Variants in IL1RAPL1 observed in about 807,000 individuals in gnomAD.
IL1RAPL1 encodes interleukin-1 receptor accessory protein-like 1.
IL1RAPL1 carries 3 observed loss-of-function variants against 48.4 expected under a neutral mutation model. That is an observed-to-expected ratio of 0.06 (90% CI 0.03 to 0.16). The LOEUF (loss-of-function observed/expected upper bound fraction) is 0.16, where lower values mean the gene tolerates loss of function less well. Ranked by LOEUF, IL1RAPL1 falls within the 10% of genes least tolerant of loss-of-function variation. The pLI, the probability that IL1RAPL1 is intolerant of heterozygous loss-of-function variation, is 1.00. For synonymous variants in IL1RAPL1, 185 were observed against 187.7 expected (o/e 0.99, Z 0.12); for missense variants, 349 against 530.6 (o/e 0.66, Z 3.36).
intron 6 of IL1RAPL1, among the ~76,000 whole-genome samples, chrX:29,700,178 TAA>T (rs2147115173): frequency 8.9e-6 from 1 of 112,096 alleles, no homozygotes; most frequent in African/African-American, 3.2e-5. Context: ...AAATTTTTAA[TAA>T]GTTTGAGGCA....
intron 5 of IL1RAPL1, among the ~76,000 whole-genome samples, chrX:29,555,344 C>G (rs190042089): frequency 1.8e-5 from 2 of 112,607 alleles, no homozygotes; most frequent in African/African-American, 6.4e-5. Context: ...TTTTAAAATA[C>G]TTACAGACAG....
intron 2 of IL1RAPL1, among the ~76,000 whole-genome samples, chrX:29,021,617 A>C (rs1053596326): frequency 8.9e-6 from 1 of 112,226 alleles, no homozygotes; most frequent in Non-Finnish European, 1.9e-5. Context: ...ATAGAAAGAT[A>C]AATCTTCTCC....
intron 1 of IL1RAPL1, among the ~76,000 whole-genome samples, chrX:28,748,628 T>A (rs1159497073): frequency 8.9e-6 from 1 of 112,126 alleles, no homozygotes; most frequent in Non-Finnish European, 1.9e-5. Context: ...CAAATGTATT[T>A]TTCCCTTGAA....
At chrX:29,622,375 C>T (rs1924488340) in intron 5 of IL1RAPL1, among the ~76,000 whole-genome samples, 1 of 112,155 alleles carries the variant, frequency 8.9e-6, no homozygotes. Context: ...GCTCTCATTC[C>T]AAATTACTGG....
intron 2 of IL1RAPL1, among the ~76,000 whole-genome samples, chrX:29,282,511 T>C (rs1218145363): frequency 8.9e-6 from 1 of 111,749 alleles, no homozygotes; most frequent in Non-Finnish European, 1.9e-5. Context: ...AGTGAGCACA[T>C]TGAAAATAGG....
intron 6 of IL1RAPL1, among the ~76,000 whole-genome samples, chrX:29,678,836 G>A (rs1429389940): frequency 9.0e-6 from 1 of 110,802 alleles, no homozygotes; most frequent in African/African-American, 3.3e-5. Flanking sequence ...TGGCTTCATG[G>A]TCTTGTGAGA....
At chrX:28,882,433 A>G (rs1049012734) in intron 2 of IL1RAPL1, among the ~76,000 whole-genome samples, 1 of 112,134 alleles carries the variant, frequency 8.9e-6, no homozygotes, top group East Asian at 2.8e-4. Flanking sequence ...ACTTGAGGTC[A>G]GGAGTTTGAG....
At chrX:28,832,531 A>T (rs748084412) in intron 2 of IL1RAPL1, among the ~76,000 whole-genome samples, 1 of 111,497 alleles carries the variant, frequency 9.0e-6, no homozygotes, top group Admixed American at 9.6e-5. Flanking sequence ...AAAATAAACC[A>T]GAAGTAGAAG....
rs1433358366 is a variant in IL1RAPL1, at chrX:28,709,589, G to A, written c.-24-79731G>A. 2.7e-5 allele frequency among the ~76,000 whole-genome samples: 3 copies of A among 111,131 alleles called. No homozygotes were observed. In the Admixed American group the frequency reaches 2.9e-4, roughly 11 times the overall value. On this transcript the variant is annotated intron_variant, in intron 1 of 10. Transcript: ENST00000378993. ...TAGATGAATGAAAAGAGAATGGGGTGGGGTCGTGGGAGTGTGTGGATCTGG... is the reference window on the plus strand; with the variant it reads ...TAGATGAATGAAAAGAGAATGGGGTAGGGTCGTGGGAGTGTGTGGATCTGG...
chrX:29,514,062 C>T (rs985826706), intron 5 of IL1RAPL1, among the ~76,000 whole-genome samples: 21 of 111,002 alleles, frequency 1.9e-4, no homozygotes, highest in African/African-American at 5.9e-4. Context: ...TGCAGGGTTA[C>T]GTTGGTTCAT....
intron 2 of IL1RAPL1, among the ~76,000 whole-genome samples, chrX:29,268,163 AT>A (rs1282668690): frequency 9.0e-6 from 1 of 111,640 alleles, no homozygotes; most frequent in Non-Finnish European, 1.9e-5. Flanking sequence ...TGAGTGAATG[AT>A]ATTTTTCCGG....
chrX:28,834,137 C>T (rs757006316), intron 2 of IL1RAPL1, among the ~76,000 whole-genome samples: 3 of 111,407 alleles, frequency 2.7e-5, no homozygotes, highest in Non-Finnish European at 5.7e-5. Flanking sequence ...CACATCTTTA[C>T]TTCATGCTCC....
intron 5 of IL1RAPL1, among the ~76,000 whole-genome samples, chrX:29,442,861 C>CAA (rs34552845): frequency 0.011 from 1,092 of 100,823 alleles, 7 homozygotes; most frequent in Non-Finnish European, 0.016. Context: ...CTAACTATCT[C>CAA]AAAAAAAAAG....
At chrX:28,637,041 T>C (rs965585118) in intron 1 of IL1RAPL1, among the ~76,000 whole-genome samples, 2 of 111,457 alleles carry the variant, frequency 1.8e-5, no homozygotes, top group Admixed American at 1.9e-4. Context: ...TCTTAGAGCA[T>C]CTTATTAGAA....
At chrX:28,792,056 C>T (rs915484222) in intron 2 of IL1RAPL1, among the ~76,000 whole-genome samples, 20 of 111,726 alleles carry the variant, frequency 1.8e-4, no homozygotes, top group African/African-American at 5.2e-4. Context: ...TTTGATTTTA[C>T]GTATTAACCA....
chrX:28,769,366 G>T (rs1320805269), intron 1 of IL1RAPL1, among the ~76,000 whole-genome samples: 1 of 110,821 alleles, frequency 9.0e-6, no homozygotes, highest in African/African-American at 3.3e-5. Context: ...TACTGAAAAG[G>T]TAAGACAAAA....
chrX:29,249,793 A>G (rs1931574448), intron 2 of IL1RAPL1, among the ~76,000 whole-genome samples: 1 of 111,709 alleles, frequency 9.0e-6, no homozygotes, highest in Non-Finnish European at 1.9e-5. Flanking sequence ...TTATAATTAC[A>G]AAGCCCCAAT....
chrX:29,221,612 CACACACAT>C (rs1170551574), intron 2 of IL1RAPL1, among the ~76,000 whole-genome samples: 615 of 58,625 alleles, frequency 0.01, 4 homozygotes, highest in Middle Eastern at 0.02. Context: ...GCAATGTATA[CACACACAT>C]ACACACACAC....
At chrX:29,550,230 C>G (rs918093138) in intron 5 of IL1RAPL1, among the ~76,000 whole-genome samples, 3 of 111,063 alleles carry the variant, frequency 2.7e-5, no homozygotes, top group African/African-American at 9.8e-5. Context: ...CTCACTCTGT[C>G]GCCCAGGCTG....
Sources: allele counts gnomAD v4.1 joint callset (sites outside exome capture counted in the v4.1 genomes callset), GRCh38; gene constraint gnomAD v4.1.1; transcripts MANE v1.5; gene names NCBI Gene and HGNC (gene_info 2026-07-23, HGNC 2026-07-21).